Variants in NT5DC1 observed in about 807,000 individuals in gnomAD.
NT5DC1 encodes 5'-nucleotidase domain containing 1, also known as 5'-nucleotidase domain-containing protein 1.
Under a neutral mutation model 59.4 loss-of-function variants are expected in NT5DC1, and 42 were observed. That is an observed-to-expected ratio of 0.71 (90% CI 0.55 to 0.92). NT5DC1 has a LOEUF of 0.92. Ranked by LOEUF, NT5DC1 falls within the 40% of genes least tolerant of loss-of-function variation. NT5DC1 has a pLI of 0.00. For synonymous variants in NT5DC1, 172 were observed against 188.1 expected, an observed-to-expected ratio of 0.91 and a Z score of 0.70; for missense variants, 501 against 537.1, an observed-to-expected ratio of 0.93 and a Z score of 0.66.
intron 6 of NT5DC1, chr6:116,137,580 C>T (rs1779642471): frequency 4.7e-6 from 1 of 214,438 alleles, no homozygotes; most frequent in Admixed American, 4.1e-5. Flanking sequence ...CTGCGTTTTC[C>T]CACTGGGTTG....
chr6:116,229,780 C>T (rs370709472), intron 8 of NT5DC1, among the ~76,000 whole-genome samples: 1 of 152,102 alleles, frequency 6.6e-6, no homozygotes, highest in Non-Finnish European at 1.5e-5. Flanking sequence ...TGAGCCAACT[C>T]TCTCTGTCTC....
rs764388204 is a variant in NT5DC1 at position 116,121,379 on chromosome 6, A to G, written c.529+3434A>G. On this transcript the variant is annotated intron_variant, in intron 6 of 11. Coordinates refer to ENST00000319550, the MANE Select transcript of NT5DC1 (RefSeq NM_152729.3). ...AGGGCCTTGGGGACCTGGTGGGCCA[A>G]TTGGTCCCATTTCTCCCGGAAAACC... is the stretch of plus-strand genomic sequence containing the variant. 62 of 1,613,446 alleles carry G rather than the reference A, an allele frequency of 3.8e-5. No individual in the cohort carries two copies. The highest frequency in any genetic ancestry group is 5.0e-5 in the Non-Finnish European group (59 of 1,179,836).
chr6:116,224,020 C>T (rs986692551), intron 8 of NT5DC1, among the ~76,000 whole-genome samples: 8 of 151,944 alleles, frequency 5.3e-5, no homozygotes, highest in Non-Finnish European at 1.5e-5. Flanking sequence ...TATAAGTGTC[C>T]ACCATAATAT....
At chr6:116,155,112 C>G (rs1354885435) in intron 6 of NT5DC1, among the ~76,000 whole-genome samples, 1 of 152,064 alleles carries the variant, frequency 6.6e-6, no homozygotes, top group Non-Finnish European at 1.5e-5. Context: ...CCATTACTTT[C>G]AATGGCAAAG....
chr6:116,119,040 T>C (rs1779027295), intron 6 of NT5DC1: 1 of 152,688 alleles, frequency 6.5e-6, no homozygotes, highest in South Asian at 2.1e-4. Flanking sequence ...TTGATGTTAT[T>C]TTATTGCGTC....
At chr6:116,237,136 G>A in intron 9 of NT5DC1, 52 bp downstream of exon 9, 2 of 958,642 alleles carry the variant, frequency 2.1e-6, no homozygotes, top group Non-Finnish European at 3.4e-6. Context: ...GACATAAGCA[G>A]TTGTGAACTG....
chr6:116,117,812 C>CT, intron 5 of NT5DC1, 49 bp from the exon 6 acceptor site: 1 of 1,093,886 alleles, frequency 9.1e-7, no homozygotes, highest in Non-Finnish European at 1.4e-6. Context: ...TTTCACTATG[C>CT]TTAAAAACTG....
At chr6:116,223,736 G>A (rs999691582) in intron 8 of NT5DC1, among the ~76,000 whole-genome samples, 1 of 152,190 alleles carries the variant, frequency 6.6e-6, no homozygotes, top group African/African-American at 2.4e-5. Flanking sequence ...ACAGTGTTTT[G>A]ATATCTGTTG....
chr6:116,130,912 A>G (rs747889520), intron 6 of NT5DC1, among the ~76,000 whole-genome samples: 93 of 152,094 alleles, frequency 6.1e-4, no homozygotes, highest in Non-Finnish European at 9.7e-4. Context: ...TATGTTTGCA[A>G]TTCTTTTGGT....
At position 116,165,945 on chromosome 6, in the gene NT5DC1, C is replaced by G. The variant is rs547525313; in HGVS notation, c.529+48000C>G. On this transcript the variant is annotated intron_variant, in intron 6 of 11. Transcript: ENST00000319550. ...CAGTATGGTGTCTGTCCTCTCAGCT[C>G]AGGCTTGAGGGGAGTGAGGGGATAC... Among the ~76,000 whole-genome samples the G allele has an allele frequency of 2.0e-5, 3 of 152,336 alleles. No individual in the cohort carries two copies. In the East Asian group the frequency reaches 5.8e-4, roughly 29 times the overall value.
intron 6 of NT5DC1, among the ~76,000 whole-genome samples, chr6:116,174,807 A>G (rs1188623822): frequency 1.3e-5 from 2 of 152,174 alleles, no homozygotes; most frequent in East Asian, 1.9e-4. Context: ...ATCCACTGGT[A>G]CCATAAAGCA....
intron 6 of NT5DC1, among the ~76,000 whole-genome samples, chr6:116,196,764 C>G (rs963998623): frequency 6.6e-6 from 1 of 151,842 alleles, no homozygotes; most frequent in Non-Finnish European, 1.5e-5. Context: ...TGCTGGCTCA[C>G]TCTCTCCACC....
At chr6:116,170,191 A>G (rs1420589109) in intron 6 of NT5DC1, among the ~76,000 whole-genome samples, 6 of 152,068 alleles carry the variant, frequency 3.9e-5, no homozygotes, top group African/African-American at 1.2e-4. Context: ...AAGTGGAGAG[A>G]CAAAAGGAGT....
chr6:116,146,966 G>A (rs1335472055), intron 6 of NT5DC1, among the ~76,000 whole-genome samples: 1 of 144,404 alleles, frequency 6.9e-6, no homozygotes, highest in Non-Finnish European at 1.5e-5. Context: ...AGAAAAGGTA[G>A]GGGAATATTT....
intron 6 of NT5DC1, among the ~76,000 whole-genome samples, chr6:116,129,415 T>C (rs1294079091): frequency 6.6e-6 from 1 of 152,214 alleles, no homozygotes; most frequent in East Asian, 1.9e-4. Flanking sequence ...TTTTGGCAAG[T>C]GGGATCTTTA....
At chr6:116,134,099 G>A (rs1178271658) in intron 6 of NT5DC1, among the ~76,000 whole-genome samples, 1 of 152,176 alleles carries the variant, frequency 6.6e-6, no homozygotes, top group Non-Finnish European at 1.5e-5. Context: ...AAAGTGAAAT[G>A]ACACATAAGT....
rs778286382 is a variant in NT5DC1, at chr6:116,223,176, A to G, written c.802+45A>G. 11 of 1,004,222 alleles carry G rather than the reference A, an allele frequency of 1.1e-5. 1 individual carries two copies. In the South Asian group the frequency reaches 1.3e-4, roughly 12 times the overall value. 62.2% of individuals were successfully genotyped at this position (1,004,222 alleles called of 1,614,324 possible). On this transcript the variant is annotated intron_variant, in intron 8 of 11. Transcript: ENST00000319550. Reference sequence around the variant, plus strand: ...TTTCTTTTCCTGTATACAGTTGGCTAACAACCTTGTGCAGAACACTGTGTT... The same window carrying G: ...TTTCTTTTCCTGTATACAGTTGGCTGACAACCTTGTGCAGAACACTGTGTT...
rs1442094188 is a variant in NT5DC1, at chr6:116,172,027, G to A, written c.530-49027G>A. Among the ~76,000 whole-genome samples, 4 of 152,210 alleles carry A rather than the reference G, an allele frequency of 2.6e-5. No individual in the cohort carries two copies. In the East Asian group the frequency reaches 7.7e-4, roughly 29 times the overall value. ...AAATTATGTTGTAGAAAGATTAAGA[G>A]GAAGGTAGAGAAAACACTCTCACTT... On this transcript the variant is annotated intron_variant, in intron 6 of 11. Transcript: ENST00000319550.
intron 6 of NT5DC1, among the ~76,000 whole-genome samples, chr6:116,141,263 A>ATT (rs201726112): frequency 6.3e-5 from 9 of 142,764 alleles, no homozygotes; most frequent in African/African-American, 2.0e-4. Flanking sequence ...TTTTTATCAG[A>ATT]TTTTTTTTTT....
Sources: gnomAD v4.1 joint callset for allele counts (sites outside exome capture counted in the v4.1 genomes callset) on GRCh38, gnomAD v4.1.1 for gene constraint, MANE v1.5 for transcripts, NCBI Gene and HGNC (gene_info 2026-07-23, HGNC 2026-07-21) for gene names.